NAV2: variants seen among roughly 807,000 people sequenced by gnomAD.
The protein encoded by NAV2 is helicase, APC down-regulated 1.
NAV2 carries 54 observed loss-of-function variants against 223.2 expected under a neutral mutation model. That is an observed-to-expected ratio of 0.24 (90% CI 0.19 to 0.30). NAV2 has a LOEUF of 0.30. Among genes scored for constraint, NAV2 ranks in the 10% least tolerant of loss-of-function variants. The probability of loss-of-function intolerance (pLI) is 1.00; values close to 1 mark genes in which losing one functional copy is unlikely to be tolerated. For missense variants in NAV2, 2,806 were observed against 3,147.5 expected (o/e 0.89, Z 2.60); for synonymous variants, 1,279 against 1,239.3 (o/e 1.03, Z -0.67).
intron 1 of NAV2, among the ~76,000 whole-genome samples, chr11:19,471,097 A>T (rs2041950634): frequency 6.6e-6 from 1 of 152,174 alleles, no homozygotes; most frequent in Admixed American, 6.5e-5. Context: ...CAGCACTTTC[A>T]TTGAAGTCTG....
At chr11:19,607,636 T>G (rs1019122452) in intron 1 of NAV2, among the ~76,000 whole-genome samples, 1 of 152,208 alleles carries the variant, frequency 6.6e-6, no homozygotes, top group Non-Finnish European at 1.5e-5. Context: ...CTCTTTTCCT[T>G]GTCAGTCTTG....
intron 1 of NAV2, among the ~76,000 whole-genome samples, chr11:19,554,935 G>A (rs749889743): frequency 2.9e-5 from 4 of 137,588 alleles, no homozygotes; most frequent in African/African-American, 5.8e-5. Flanking sequence ...CAACAAGAGC[G>A]AAACTCCGAA....
At chr11:19,912,344 G>A (rs1338345359) in intron 6 of NAV2, among the ~76,000 whole-genome samples, 1 of 152,166 alleles carries the variant, frequency 6.6e-6, no homozygotes, top group African/African-American at 2.4e-5. Flanking sequence ...AACACCCACA[G>A]CTTTGAGCAA....
Position 20,045,548 on chromosome 11 carries a change from G to C in NAV2, c.3780G>C (p.Glu1260Asp). Reference sequence around the variant, plus strand: ...AGAAAGGCATCTCATCAGACAACGAGAGTGTGGCTTCCTGTAACTCGGTGA... The same window carrying C: ...AGAAAGGCATCTCATCAGACAACGACAGTGTGGCTTCCTGTAACTCGGTGA... ...DKEKGISSDN[E>D]SVASCNSVKV... The change falls in exon 14 of 38, where the codon GAG becomes GAC. Residue 1260 changes from glutamate to aspartate, a missense_variant. Coordinates refer to ENST00000349880, the MANE Select transcript of NAV2 (RefSeq NM_145117.5). 1 of 1,614,174 alleles carries C rather than the reference G, an allele frequency of 6.2e-7. No homozygotes were observed.
At position 19,864,159 on chromosome 11, in the gene NAV2, G is replaced by A. The variant is rs543382772; in HGVS notation, c.439-4766G>A. On this transcript the variant is annotated intron_variant, in intron 3 of 37. Coordinates refer to ENST00000349880, the MANE Select transcript of NAV2 (RefSeq NM_145117.5). Reference sequence around the variant, plus strand: ...GACCATGCCTGACTTTAATGCAGCAGCTGTTTGCCTCTCCTTCCAGACTGG... The same window carrying A: ...GACCATGCCTGACTTTAATGCAGCAACTGTTTGCCTCTCCTTCCAGACTGG... 2.6e-5 allele frequency among the ~76,000 whole-genome samples: 4 copies of A among 152,310 alleles called. No homozygotes were observed. The South Asian group carries it at 8.3e-4, about 32-fold the overall frequency.
chr11:19,705,797 C>A (rs1248461359), intron 1 of NAV2, among the ~76,000 whole-genome samples: 1 of 152,138 alleles, frequency 6.6e-6, no homozygotes, highest in Admixed American at 6.5e-5. Flanking sequence ...TACTTTGGCA[C>A]TTTTGTCTGT....
intron 1 of NAV2, among the ~76,000 whole-genome samples, chr11:19,509,245 G>A (rs1026340411): frequency 1.3e-5 from 2 of 152,086 alleles, no homozygotes; most frequent in Admixed American, 6.6e-5. Flanking sequence ...TGGAGGTTTC[G>A]TCCCCTATTG....
chr11:19,484,365 G>C (rs1366128983), intron 1 of NAV2, among the ~76,000 whole-genome samples: 1 of 152,176 alleles, frequency 6.6e-6, no homozygotes, highest in Admixed American at 6.5e-5. Flanking sequence ...AAGGGAGCTT[G>C]TTCCACTATT....
intron 11 of NAV2, among the ~76,000 whole-genome samples, chr11:20,024,954 A>C (rs2054903122): frequency 1.3e-5 from 2 of 152,216 alleles, no homozygotes; most frequent in Non-Finnish European, 2.9e-5. Context: ...GATTGCATTA[A>C]AGTGTCCTGT....
intron 1 of NAV2, among the ~76,000 whole-genome samples, chr11:19,418,595 A>G (rs559131146): frequency 6.6e-6 from 1 of 152,230 alleles, no homozygotes; most frequent in Non-Finnish European, 1.5e-5. Context: ...AGGAGAGCGT[A>G]GGGGCACATT....
At chr11:20,019,690 G>A (rs1003915814) in intron 11 of NAV2, among the ~76,000 whole-genome samples, 1 of 152,058 alleles carries the variant, frequency 6.6e-6, no homozygotes, top group African/African-American at 2.4e-5. Context: ...CTAGGAGATT[G>A]AGAAGCGCAG....
Position 20,101,179 on chromosome 11 carries a change from A to T in NAV2, c.6417+7A>T, listed in dbSNP as rs373604165. ...GGACCATAAGTCCAGCAAGGTGAGG[A>T]GGTCATTCTGAGTCTGCTGTATTTT... On this transcript the variant is annotated splice_region_variant and intron_variant, in intron 32 of 37. Transcript: ENST00000349880. 6.2e-7 allele frequency: 1 copy of T among 1,605,604 alleles called. No individual in the cohort carries two copies. The highest frequency in any genetic ancestry group is 8.5e-7 in the Non-Finnish European group (1 of 1,172,912).
chr11:20,021,388 C>G (rs542506073), intron 11 of NAV2, among the ~76,000 whole-genome samples: 94 of 152,214 alleles, frequency 6.2e-4, no homozygotes, highest in African/African-American at 2.2e-3. Context: ...AGAATGTTTA[C>G]CTATTATGTT....
chr11:19,540,896 A>G (rs2044321826), intron 1 of NAV2, among the ~76,000 whole-genome samples: 1 of 152,178 alleles, frequency 6.6e-6, no homozygotes, highest in African/African-American at 2.4e-5. Flanking sequence ...TGTTTCTTAA[A>G]AGAAAGACAA....
chr11:19,880,798 T>G (rs1056540179), intron 5 of NAV2, among the ~76,000 whole-genome samples: 1 of 152,206 alleles, frequency 6.6e-6, no homozygotes, highest in African/African-American at 2.4e-5. Context: ...TACCCTCTAC[T>G]GTGCTACAGT....
At chr11:19,476,988 C>G (rs2042136306) in intron 1 of NAV2, among the ~76,000 whole-genome samples, 1 of 152,144 alleles carries the variant, frequency 6.6e-6, no homozygotes, top group Non-Finnish European at 1.5e-5. Context: ...AGGTGGGAGG[C>G]TTAAAGGAGA....
chr11:19,928,254 C>T (rs540567477), intron 6 of NAV2, among the ~76,000 whole-genome samples: 3 of 152,260 alleles, frequency 2.0e-5, no homozygotes, highest in East Asian at 1.9e-4. Context: ...TTTAAATCTA[C>T]ATTTAATATC....
At position 19,897,889 on chromosome 11, in the gene NAV2, TATA is replaced by T. The variant is rs1565517916; in HGVS notation, c.931+5296_931+5298del. ...ACAGCTGTGCCTGACCTGTGATTTA[TATA>T]TATATATATATATGTGAGCAGATTT... On this transcript the variant is annotated intron_variant, in intron 6 of 37. Coordinates refer to ENST00000349880, the MANE Select transcript of NAV2 (RefSeq NM_145117.5). 5.9e-4 allele frequency among the ~76,000 whole-genome samples: 84 copies of T among 142,540 alleles called. 6 individuals are homozygous for T. The highest frequency in any genetic ancestry group is 2.1e-3 in the African/African-American group (80 of 37,582). The allele number at this position is 142,540 out of a possible 152,430, so 93.5% of individuals were successfully genotyped here.
Position 19,879,946 on chromosome 11 carries a change from C to T in NAV2, c.589C>T (p.Pro197Ser). 1 of 1,613,526 alleles carries T rather than the reference C, an allele frequency of 6.2e-7. No homozygotes were observed. The highest frequency in any genetic ancestry group is 1.1e-5 in the South Asian group (1 of 91,066). The change falls in exon 5 of 38, where the codon CCC (proline) becomes TCC (serine). Residue 197 changes from proline to serine, a missense_variant. Physicochemically the swap from Pro to Ser is moderately conservative, Grantham distance 74 (BLOSUM62 -1). Transcript: ENST00000349880. ...LSRYKQQQQQPQKQHLSSPLP... is the reference protein window; with the variant it reads ...LSRYKQQQQQSQKQHLSSPLP... ...CCGATACAAGCAGCAGCAGCAGCAGCCCCAGAAGCAGCACCTCTCCTCACC... is the reference window on the plus strand; with the variant it reads ...CCGATACAAGCAGCAGCAGCAGCAGTCCCAGAAGCAGCACCTCTCCTCACC...
Sources: gnomAD v4.1 joint callset for allele counts (sites outside exome capture counted in the v4.1 genomes callset) on GRCh38, gnomAD v4.1.1 for gene constraint, MANE v1.5 for transcripts, NCBI Gene and HGNC (gene_info 2026-07-23, HGNC 2026-07-21) for gene names.